Variants in FUT9 observed in about 807,000 individuals in gnomAD.
The protein encoded by FUT9 is fucosyltransferase 9.
A neutral mutation model predicts 29.7 loss-of-function variants in FUT9; 15 were observed. The observed-to-expected ratio is 0.51, with a 90% CI of 0.34 to 0.78. FUT9 has a LOEUF of 0.78. Ranked by LOEUF, FUT9 falls within the 30% of genes least tolerant of loss-of-function variation. FUT9 has a pLI of 0.01. For synonymous variants in FUT9, 169 were observed against 153.7 expected (o/e 1.10, Z -0.74); for missense variants, 319 against 425.4 (o/e 0.75, Z 2.20).
At chr6:96,042,718 C>T (rs189365565) in intron 1 of FUT9, among the ~76,000 whole-genome samples, 5 of 152,216 alleles carry the variant, frequency 3.3e-5, no homozygotes, top group Admixed American at 2.6e-4. Flanking sequence ...TGTATTAGCC[C>T]GTTGGGTTTA....
intron 2 of FUT9, among the ~76,000 whole-genome samples, chr6:96,201,531 G>A (rs945544894): frequency 3.3e-5 from 5 of 151,380 alleles, no homozygotes; most frequent in African/African-American, 7.3e-5. Context: ...TGAGTTGACC[G>A]ATTTGTTAAT....
At chr6:96,160,239 T>C (rs983825256) in intron 2 of FUT9, among the ~76,000 whole-genome samples, 1 of 152,114 alleles carries the variant, frequency 6.6e-6, no homozygotes, top group South Asian at 2.1e-4. Flanking sequence ...CCAATGATGG[T>C]ATTGTGGCTC....
intron 2 of FUT9, among the ~76,000 whole-genome samples, chr6:96,138,964 T>C (rs1772410581): frequency 6.6e-6 from 1 of 152,114 alleles, no homozygotes; most frequent in Non-Finnish European, 1.5e-5. Context: ...ATTGATTGCC[T>C]TAAATACAGA....
chr6:96,048,084 G>C (rs1039956425), intron 1 of FUT9, among the ~76,000 whole-genome samples: 96 of 152,194 alleles, frequency 6.3e-4, no homozygotes, highest in African/African-American at 2.2e-3. Flanking sequence ...TTCAAAGTCA[G>C]CAAGTTTCAT....
At chr6:96,056,023 CTT>C in intron 1 of FUT9, among the ~76,000 whole-genome samples, 2 of 31,560 alleles carry the variant, frequency 6.3e-5, no homozygotes, top group African/African-American at 2.0e-4. Context: ...CATTTGAAGT[CTT>C]CTTCTATTTC....
chr6:96,069,567 A>C (rs1443518123), intron 1 of FUT9, among the ~76,000 whole-genome samples: 1 of 152,104 alleles, frequency 6.6e-6, no homozygotes, highest in Non-Finnish European at 1.5e-5. Flanking sequence ...TTGGTAAGAT[A>C]ATTTCAAGGA....
chr6:96,130,727 C>T (rs920547816), intron 2 of FUT9, among the ~76,000 whole-genome samples: 2 of 152,144 alleles, frequency 1.3e-5, no homozygotes, highest in Admixed American at 6.5e-5. Context: ...AATTGAACTA[C>T]ATACACATGT....
At chr6:96,045,333 GGGAATA>G (rs1484905549) in intron 1 of FUT9, among the ~76,000 whole-genome samples, 4 of 152,188 alleles carry the variant, frequency 2.6e-5, no homozygotes, top group Non-Finnish European at 4.4e-5. Flanking sequence ...TGAAGTATAA[GGGAATA>G]AGAGAAACTC....
intron 1 of FUT9, among the ~76,000 whole-genome samples, chr6:96,110,582 C>T (rs370668374): frequency 4.6e-5 from 7 of 152,138 alleles, no homozygotes; most frequent in Non-Finnish European, 1.0e-4. Context: ...AAAACAAGAG[C>T]GGTGGCAGCC....
At chr6:96,148,886 G>A (rs960284263) in intron 2 of FUT9, among the ~76,000 whole-genome samples, 89 of 152,256 alleles carry the variant, frequency 5.8e-4, no homozygotes, top group African/African-American at 2.1e-3. Context: ...CAGGCACAGT[G>A]GTTCACATTT....
At chr6:96,082,453 G>T (rs966226608) in intron 1 of FUT9, among the ~76,000 whole-genome samples, 1 of 151,614 alleles carries the variant, frequency 6.6e-6, no homozygotes, top group African/African-American at 2.4e-5. Context: ...TTCCATACAT[G>T]AGTGGGTCTA....
chr6:96,162,482 A>T (rs1459753774), intron 2 of FUT9, among the ~76,000 whole-genome samples: 1 of 152,150 alleles, frequency 6.6e-6, no homozygotes, highest in Non-Finnish European at 1.5e-5. Context: ...GCCAGCACTT[A>T]TACTTCCCCA....
intron 2 of FUT9, among the ~76,000 whole-genome samples, chr6:96,176,295 T>G (rs1378770839): frequency 1.3e-5 from 2 of 152,030 alleles, no homozygotes; most frequent in Non-Finnish European, 2.9e-5. Flanking sequence ...CCTATTTATA[T>G]CTCTCTACAT....
intron 2 of FUT9, among the ~76,000 whole-genome samples, chr6:96,139,398 G>A (rs1038507517): frequency 2.6e-5 from 4 of 152,164 alleles, no homozygotes; most frequent in African/African-American, 9.7e-5. Context: ...CTGGTGTTGA[G>A]TGCCTGCAGC....
intron 1 of FUT9, among the ~76,000 whole-genome samples, chr6:96,078,667 G>C (rs934167938): frequency 6.6e-6 from 1 of 151,672 alleles, no homozygotes; most frequent in Non-Finnish European, 1.5e-5. Flanking sequence ...TGATGAGCCC[G>C]ACTCGGCCTC....
intron 2 of FUT9, among the ~76,000 whole-genome samples, chr6:96,121,415 C>T (rs940338471): frequency 6.6e-6 from 1 of 152,084 alleles, no homozygotes; most frequent in African/African-American, 2.4e-5. Context: ...TATAGCTACT[C>T]TACAAAGAGA....
chr6:96,052,902 T>C (rs963746855), intron 1 of FUT9, among the ~76,000 whole-genome samples: 1 of 151,924 alleles, frequency 6.6e-6, no homozygotes, highest in East Asian at 1.9e-4. Context: ...TTTAATAAGG[T>C]CAAAACATTT....
chr6:96,191,475 A>C (rs1172232575), intron 2 of FUT9, among the ~76,000 whole-genome samples: 1 of 152,230 alleles, frequency 6.6e-6, no homozygotes, highest in African/African-American at 2.4e-5. Flanking sequence ...AAACTAGAAA[A>C]TCTAGAAGAA....
chr6:96,118,619 A>G (rs557217058), intron 2 of FUT9, among the ~76,000 whole-genome samples: 2 of 152,350 alleles, frequency 1.3e-5, no homozygotes, highest in South Asian at 4.1e-4. Flanking sequence ...ACTATATTTT[A>G]TCATTATTTA....
Sources: gnomAD v4.1 joint callset for allele counts (sites outside exome capture counted in the v4.1 genomes callset) on GRCh38, gnomAD v4.1.1 for gene constraint, MANE v1.5 for transcripts, NCBI Gene and HGNC (gene_info 2026-07-23, HGNC 2026-07-21) for gene names.